Variants in PEBP4 observed in about 807,000 individuals in gnomAD.
PEBP4 encodes phosphatidylethanolamine binding protein 4.
A neutral mutation model predicts 23.9 loss-of-function variants in PEBP4; 22 were observed. The observed-to-expected ratio is 0.92, with a 90% CI of 0.66 to 1.31. The LOEUF (loss-of-function observed/expected upper bound fraction) is 1.31. Among genes scored for constraint, PEBP4 ranks in the 40% most tolerant of loss-of-function variants. PEBP4 has a pLI of 0.00. For synonymous variants in PEBP4, 112 were observed against 99.3 expected, an observed-to-expected ratio of 1.13 and a Z score of -0.76; for missense variants, 324 against 281.7, an observed-to-expected ratio of 1.15 and a Z score of -1.07.
At chr8:22,732,958 C>T (rs1189956138) in intron 4 of PEBP4, among the ~76,000 whole-genome samples, 1 of 152,210 alleles carries the variant, frequency 6.6e-6, no homozygotes, top group Non-Finnish European at 1.5e-5. Flanking sequence ...ACCCCATTCT[C>T]AGTCCAGGGT....
chr8:22,822,078 A>G (rs1382703867), intron 3 of PEBP4, among the ~76,000 whole-genome samples: 1 of 151,792 alleles, frequency 6.6e-6, no homozygotes, highest in Non-Finnish European at 1.5e-5. Flanking sequence ...GAAGGAAGGG[A>G]TAAAGGTTGT....
At chr8:22,829,710 C>T (rs778774047) in intron 3 of PEBP4, among the ~76,000 whole-genome samples, 3 of 152,186 alleles carry the variant, frequency 2.0e-5, no homozygotes, top group Non-Finnish European at 4.4e-5. Context: ...TTTTCCTCCT[C>T]ATCATTAAAA....
intron 3 of PEBP4, among the ~76,000 whole-genome samples, chr8:22,880,886 A>G (rs1042637150): frequency 2.0e-5 from 3 of 152,132 alleles, no homozygotes; most frequent in African/African-American, 7.2e-5. Flanking sequence ...GCAGTCCCCA[A>G]AGAAGGGGAA....
At chr8:22,829,843 C>G (rs546168006) in intron 3 of PEBP4, among the ~76,000 whole-genome samples, 1 of 152,298 alleles carries the variant, frequency 6.6e-6, no homozygotes, top group East Asian at 1.9e-4. Context: ...CTGTCAACAC[C>G]CTCAGCCTGT....
chr8:22,738,707 C>T lies in PEBP4; in HGVS notation c.358-11487G>A, dbSNP rs747761462. 1.0e-3 allele frequency among the ~76,000 whole-genome samples: 159 copies of T among 152,162 alleles called. 3 individuals carry two copies. The highest frequency in any genetic ancestry group is 2.2e-4 in the Non-Finnish European group (15 of 68,028). On this transcript the variant is annotated intron_variant, in intron 4 of 6. Transcript: ENST00000256404. ...ACATCCACACTCTCACATATACATACGTTCACACACTCACATACTTGTAGT... is the reference window on the plus strand; with the variant it reads ...ACATCCACACTCTCACATATACATATGTTCACACACTCACATACTTGTAGT...
At chr8:22,782,490 C>A (rs1163530650) in intron 4 of PEBP4, among the ~76,000 whole-genome samples, 14 of 152,256 alleles carry the variant, frequency 9.2e-5, no homozygotes, top group African/African-American at 3.4e-4. Flanking sequence ...TTTCAGGGAA[C>A]TGACATTTTT....
intron 4 of PEBP4, among the ~76,000 whole-genome samples, chr8:22,733,206 G>A (rs1804775573): frequency 6.6e-6 from 1 of 152,112 alleles, no homozygotes; most frequent in Non-Finnish European, 1.5e-5. Flanking sequence ...TCGAGGGTGG[G>A]GACTACACCC....
chr8:22,775,137 G>A lies in PEBP4; in HGVS notation c.357+42500C>T, dbSNP rs1410856965. On this transcript the variant is annotated intron_variant, in intron 4 of 6. Coordinates refer to ENST00000256404, the MANE Select transcript of PEBP4 (RefSeq NM_144962.3). The surrounding 1 kb of genome is among the most constrained non-coding windows in gnomAD (Gnocchi z 4.8). Reference sequence around the variant, plus strand: ...ATCAGTTTCCCCACCTGTACCATAAGAGACGGGCCCCAAGTTCTCTTCTAA... The same window carrying A: ...ATCAGTTTCCCCACCTGTACCATAAAAGACGGGCCCCAAGTTCTCTTCTAA... Among the ~76,000 whole-genome samples the A allele has an allele frequency of 6.6e-6, 1 of 152,222 alleles. No individual in the cohort carries two copies. The highest frequency in any genetic ancestry group is 1.5e-5 in the Non-Finnish European group (1 of 68,032).
intron 3 of PEBP4, among the ~76,000 whole-genome samples, chr8:22,881,522 A>C (rs977208167): frequency 1.3e-5 from 2 of 152,200 alleles, no homozygotes; most frequent in African/African-American, 4.8e-5. Context: ...GTATGTCCCC[A>C]GTGCCTAGAG....
chr8:22,929,162 A>C (rs527383971), upstream of PEBP4, among the ~76,000 whole-genome samples: 1 of 152,374 alleles, frequency 6.6e-6, no homozygotes, highest in East Asian at 1.9e-4. Context: ...GTAAATGCTC[A>C]ATAATTTATG....
chr8:22,733,354 AGGG>A (rs1804779999), intron 4 of PEBP4, among the ~76,000 whole-genome samples: 3 of 152,172 alleles, frequency 2.0e-5, no homozygotes, highest in Admixed American at 2.0e-4. Context: ...GTGTCCCCGT[AGGG>A]ACAGAGAGCT....
intron 3 of PEBP4, among the ~76,000 whole-genome samples, chr8:22,902,765 G>A (rs1042123745): frequency 6.6e-6 from 1 of 152,202 alleles, no homozygotes; most frequent in African/African-American, 2.4e-5. Flanking sequence ...ACAGCCCTGA[G>A]GGTTCTGCTA....
chr8:22,722,932 T>C (rs10102535), intron 6 of PEBP4, among the ~76,000 whole-genome samples: 56,200 of 150,858 alleles, frequency 0.37, 11,205 homozygotes, highest in African/African-American at 0.52. Flanking sequence ...ACCGCCACGC[T>C]GGGCTAATTT....
chr8:22,933,905 G>A (rs1809498597), intron 1 of PEBP4, among the ~76,000 whole-genome samples: 1 of 152,188 alleles, frequency 6.6e-6, no homozygotes, highest in African/African-American at 2.4e-5. Context: ...TCACAATTCT[G>A]CTGGCCGGAA....
At chr8:22,844,996 T>G (rs1462860429) in intron 3 of PEBP4, among the ~76,000 whole-genome samples, 1 of 152,140 alleles carries the variant, frequency 6.6e-6, no homozygotes, top group East Asian at 1.9e-4. Flanking sequence ...TAAAGCCCCA[T>G]GCAGGCAGGG....
intron 3 of PEBP4, among the ~76,000 whole-genome samples, chr8:22,893,899 T>C (rs1027058552): frequency 1.3e-5 from 2 of 152,078 alleles, no homozygotes; most frequent in Non-Finnish European, 2.9e-5. Flanking sequence ...GAAGACATAA[T>C]GGCTGAAAAA....
intron 4 of PEBP4, among the ~76,000 whole-genome samples, chr8:22,744,440 G>A (rs1464540309): frequency 6.6e-6 from 1 of 152,238 alleles, no homozygotes; most frequent in African/African-American, 2.4e-5. Flanking sequence ...GTATGAGTCA[G>A]CCTGCTGCCT....
chr8:22,834,960 T>C (rs1807171471), intron 3 of PEBP4, among the ~76,000 whole-genome samples: 1 of 152,176 alleles, frequency 6.6e-6, no homozygotes, highest in Non-Finnish European at 1.5e-5. Context: ...TAGTCTCCTA[T>C]GATAGGGATT....
intron 4 of PEBP4, among the ~76,000 whole-genome samples, chr8:22,753,507 A>G (rs766416970): frequency 1.1e-4 from 17 of 152,238 alleles, no homozygotes; most frequent in Non-Finnish European, 2.1e-4. Flanking sequence ...TCTTGACAAA[A>G]TAATGAAATC....
Sources: gnomAD v4.1 joint callset for allele counts (sites outside exome capture counted in the v4.1 genomes callset) on GRCh38, gnomAD v4.1.1 for gene constraint, Gnocchi (gnomAD v3.1) non-coding constraint, MANE v1.5 for transcripts, NCBI Gene and HGNC (gene_info 2026-07-23, HGNC 2026-07-21) for gene names.